COL9A1: variants seen among roughly 807,000 people sequenced by gnomAD.
The protein encoded by COL9A1 is collagen alpha-1(IX) chain.
Under a neutral mutation model 142.6 loss-of-function variants are expected in COL9A1, and 104 were observed. The observed-to-expected ratio is 0.73, with a 90% CI of 0.62 to 0.86. The LOEUF (loss-of-function observed/expected upper bound fraction) is 0.86, where lower values mean the gene tolerates loss of function less well. Among genes scored for constraint, COL9A1 ranks in the 40% least tolerant of loss-of-function variants. COL9A1 has a pLI of 0.00. For missense variants in COL9A1, 1,210 were observed against 1,176.6 expected (o/e 1.03, Z -0.42); for synonymous variants, 466 against 396.0 (o/e 1.18, Z -2.10).
At chr6:70,217,303 C>G (rs1180686257) in intron 37 of COL9A1, among the ~76,000 whole-genome samples, 1 of 152,142 alleles carries the variant, frequency 6.6e-6, no homozygotes, top group Non-Finnish European at 1.5e-5. Context: ...AAAGAGACCT[C>G]AGTGTCTCTA....
chr6:70,257,337 G>A (rs1771383872), intron 20 of COL9A1, among the ~76,000 whole-genome samples: 1 of 152,078 alleles, frequency 6.6e-6, no homozygotes, highest in Admixed American at 6.6e-5. Flanking sequence ...GAGATTACAG[G>A]CGTGAGCCAC....
At chr6:70,260,400 G>A (rs1039152295) in intron 20 of COL9A1, among the ~76,000 whole-genome samples, 3 of 151,802 alleles carry the variant, frequency 2.0e-5, no homozygotes, top group Non-Finnish European at 2.9e-5. Context: ...AAAATTAGCC[G>A]GGCGTGGTGG....
At chr6:70,217,665 T>C (rs1305947014) in intron 37 of COL9A1, among the ~76,000 whole-genome samples, 1 of 152,228 alleles carries the variant, frequency 6.6e-6, no homozygotes, top group Non-Finnish European at 1.5e-5. Context: ...GTAGCAGTAT[T>C]CCTTACTTCT....
At chr6:70,261,315 G>T (rs1018557131) in intron 19 of COL9A1, among the ~76,000 whole-genome samples, 1 of 152,112 alleles carries the variant, frequency 6.6e-6, no homozygotes, top group African/African-American at 2.4e-5. Context: ...TAAAAATGAG[G>T]GGCGGGGTGT....
intron 20 of COL9A1, among the ~76,000 whole-genome samples, chr6:70,259,591 A>G (rs928797314): frequency 6.6e-6 from 1 of 151,996 alleles, no homozygotes; most frequent in Non-Finnish European, 1.5e-5. Context: ...GCAACACCTC[A>G]TCCTTCCAGG....
At chr6:70,281,099 C>G in intron 8 of COL9A1, 60 bp from the exon 9 acceptor site, 1 of 1,411,730 alleles carries the variant, frequency 7.1e-7, no homozygotes, top group Non-Finnish European at 9.8e-7. Flanking sequence ...GAGGACCCCA[C>G]TGGGACAATC....
In COL9A1 at chr6:70,257,153, T is replaced by C. The variant is rs375517803; in HGVS notation, c.1450-332A>G. Among the ~76,000 whole-genome samples, 3 of 145,282 alleles carry C rather than the reference T, an allele frequency of 2.1e-5. No homozygotes were observed. In the South Asian group the frequency reaches 6.7e-4, roughly 32 times the overall value. ...TTGGCTCACTGCAACCTCCGCCCCC[T>C]GGGTTCAAGCAATTCTCCTGCTTCA... On this transcript the variant is annotated intron_variant, in intron 20 of 37. Transcript: ENST00000357250.
intron 14 of COL9A1, 47 bp downstream of exon 14, chr6:70,271,605 ATCT>A (rs781004477): frequency 1.3e-6 from 2 of 1,557,824 alleles, no homozygotes; most frequent in Admixed American, 3.3e-5. Flanking sequence ...CCCAAATAAC[ATCT>A]TCTATTAAAT....
intron 5 of COL9A1, among the ~76,000 whole-genome samples, chr6:70,287,350 C>A (rs1773496456): frequency 6.6e-6 from 1 of 151,882 alleles, no homozygotes; most frequent in African/African-American, 2.4e-5. Flanking sequence ...CATTGAAAGA[C>A]TTTTTTTGCA....
intron 28 of COL9A1, among the ~76,000 whole-genome samples, chr6:70,248,415 T>G (rs991307917): frequency 6.6e-6 from 1 of 152,266 alleles, no homozygotes; most frequent in Non-Finnish European, 1.5e-5. Context: ...TGTGTGTCCA[T>G]GTCTTCATCT....
At chr6:70,294,049 A>G in intron 5 of COL9A1, 118 bp downstream of exon 5, 6 of 1,384,310 alleles carry the variant, frequency 4.3e-6, no homozygotes, top group Non-Finnish European at 6.1e-6. Context: ...ACTTCCTCTG[A>G]TTCCAAATTC....
At chr6:70,279,363 C>G (rs1472182522) in intron 10 of COL9A1, among the ~76,000 whole-genome samples, 2 of 151,668 alleles carry the variant, frequency 1.3e-5, no homozygotes, top group Non-Finnish European at 2.9e-5. Context: ...AAATATTAGT[C>G]CTTAGGTGCC....
At chr6:70,236,220 C>T (rs1037084279) in intron 33 of COL9A1, among the ~76,000 whole-genome samples, 3 of 148,034 alleles carry the variant, frequency 2.0e-5, no homozygotes, top group Admixed American at 6.7e-5. Flanking sequence ...TAAAAGTAAA[C>T]CATGTGTTTC....
At chr6:70,227,354 A>G (rs1769288939) in intron 36 of COL9A1, among the ~76,000 whole-genome samples, 1 of 151,066 alleles carries the variant, frequency 6.6e-6, no homozygotes, top group Non-Finnish European at 1.5e-5. Flanking sequence ...ACTAAAAGGA[A>G]GTAAAAATGG....
chr6:70,220,389 GGTGTGTGTGT>G (rs58525634), intron 37 of COL9A1, among the ~76,000 whole-genome samples: 33 of 148,704 alleles, frequency 2.2e-4, no homozygotes, highest in South Asian at 6.5e-4. Flanking sequence ...GGTGTGGCAG[GGTGTGTGTGT>G]GTGTGTGTGT....
At chr6:70,302,857 C>A (rs1461851944) in intron 1 of COL9A1, 54 bp downstream of exon 1, 1 of 1,599,496 alleles carries the variant, frequency 6.3e-7, no homozygotes, top group East Asian at 2.2e-5. Context: ...ACCCTTGGTT[C>A]TGAGGACCCC....
At chr6:70,218,727 T>C (rs1033500371) in intron 37 of COL9A1, among the ~76,000 whole-genome samples, 2 of 117,218 alleles carry the variant, frequency 1.7e-5, no homozygotes, top group African/African-American at 6.3e-5. Context: ...TGTAGTAATA[T>C]GGTCTTATTC....
In COL9A1 at chr6:70,252,328, T is replaced by G; in HGVS notation, c.1765-13A>C. On this transcript the variant is annotated splice_polypyrimidine_tract_variant and intron_variant, in intron 26 of 37. Coordinates refer to ENST00000357250, the MANE Select transcript of COL9A1 (RefSeq NM_001851.6). ...CACCTGTGCTACCCTAAGGGTAAAA[T>G]GCAACATCCAAAATAACTCATGCTG... The G allele has an allele frequency of 1.2e-6, 2 of 1,613,458 alleles. No individual in the cohort carries two copies. Among genetic ancestry groups the G allele is most frequent in the Non-Finnish European group, 1.7e-6 (2 of 1,179,372 alleles).
intron 5 of COL9A1, among the ~76,000 whole-genome samples, chr6:70,293,655 AC>A: frequency 6.6e-6 from 1 of 151,516 alleles, no homozygotes; most frequent in East Asian, 1.9e-4. Flanking sequence ...ACACACACAC[AC>A]ACACACACAC....
Sources: allele counts gnomAD v4.1 joint callset (sites outside exome capture counted in the v4.1 genomes callset), GRCh38; gene constraint gnomAD v4.1.1; transcripts MANE v1.5; gene names NCBI Gene and HGNC (gene_info 2026-07-23, HGNC 2026-07-21).